Variants in NCAM1 observed in about 807,000 individuals in gnomAD.
NCAM1 encodes the protein neural cell adhesion molecule 1.
In NCAM1, 14 loss-of-function variants were observed where a neutral mutation model predicts 109.8. That is an observed-to-expected ratio of 0.13 (90% CI 0.08 to 0.20). NCAM1 has a LOEUF of 0.20. Ranked by LOEUF, NCAM1 falls within the 10% of genes least tolerant of loss-of-function variation. The pLI is 1.00. For synonymous variants in NCAM1, 418 were observed against 442.9 expected, an observed-to-expected ratio of 0.94 and a Z score of 0.70; for missense variants, 774 against 1,109.9, an observed-to-expected ratio of 0.70 and a Z score of 4.30.
chr11:113,270,692 T>C (rs1946247065), intron 18 of NCAM1, among the ~76,000 whole-genome samples: 1 of 152,078 alleles, frequency 6.6e-6, no homozygotes, highest in Admixed American at 6.5e-5. Context: ...GAACTAAACC[T>C]GGGGAGGAGC....
chr11:113,199,659 G>C (rs943961262), intron 1 of NCAM1, among the ~76,000 whole-genome samples: 13 of 151,586 alleles, frequency 8.6e-5, no homozygotes, highest in Non-Finnish European at 1.6e-4. Context: ...GGGAGGGATA[G>C]CATTAGGAGA....
At chr11:113,193,328 T>C (rs1386152296) in intron 1 of NCAM1, among the ~76,000 whole-genome samples, 1 of 152,206 alleles carries the variant, frequency 6.6e-6, no homozygotes, top group Non-Finnish European at 1.5e-5. Flanking sequence ...GAGTCATTTC[T>C]TCTGACTGCC....
intron 14 of NCAM1, among the ~76,000 whole-genome samples, chr11:113,239,499 C>CT (rs55641415): frequency 0.37 from 38,910 of 106,178 alleles, 8,733 homozygotes; most frequent in African/African-American, 0.4. Flanking sequence ...TGAGTCTCTA[C>CT]TTTTTTTTTT....
intron 1 of NCAM1, among the ~76,000 whole-genome samples, chr11:113,098,536 G>T (rs10891504): frequency 0.49 from 74,559 of 151,988 alleles, 19,098 homozygotes; most frequent in Middle Eastern, 0.55. Context: ...CAGGCAGGCT[G>T]TAAGTGAGAA....
At chr11:112,996,556 G>T (rs550293452) in intron 1 of NCAM1, among the ~76,000 whole-genome samples, 1 of 152,184 alleles carries the variant, frequency 6.6e-6, no homozygotes, top group Admixed American at 6.5e-5. Flanking sequence ...CGATTATTTT[G>T]CTTTGGGATT....
rs1946418622 is a variant in NCAM1, at chr11:113,277,402, T to C, written c.*2015T>C. 1 of 398,956 alleles carries C rather than the reference T, an allele frequency of 2.5e-6. No homozygotes were observed. The highest frequency in any genetic ancestry group is 2.1e-5 in the African/African-American group (1 of 48,626). The allele number at this position is 398,956 out of a possible 1,614,324, so 24.7% of individuals were successfully genotyped here. A position where few individuals can be genotyped will look rare whatever the true frequency, so the allele number is the denominator to read the frequency against. On this transcript the variant is annotated 3_prime_UTR_variant, in exon 20 of 20. Transcript: ENST00000316851. Reference sequence around the variant, plus strand: ...GAACACACAGCCCTGGCCCCTTTGATTCTAGGGCCTGCACAGATCTCTGGT... The same window carrying C: ...GAACACACAGCCCTGGCCCCTTTGACTCTAGGGCCTGCACAGATCTCTGGT...
At chr11:113,137,806 A>G (rs1478097707) in intron 1 of NCAM1, among the ~76,000 whole-genome samples, 2 of 152,220 alleles carry the variant, frequency 1.3e-5, no homozygotes, top group African/African-American at 4.8e-5. Flanking sequence ...TGGATTTTAC[A>G]TACATATATA....
chr11:113,241,353 T>G (rs1945320158), intron 14 of NCAM1, among the ~76,000 whole-genome samples: 1 of 152,226 alleles, frequency 6.6e-6, no homozygotes, highest in Non-Finnish European at 1.5e-5. Flanking sequence ...AAATAAACAG[T>G]GTCTGGCAGT....
At chr11:113,220,617 T>TTTTTTTTTTC (rs1944665276) in intron 8 of NCAM1, among the ~76,000 whole-genome samples, 2 of 136,296 alleles carry the variant, frequency 1.5e-5, no homozygotes, top group Non-Finnish European at 3.1e-5. Context: ...TTTTTTTTTT[T>TTTTTTTTTTC]TTTTTTTTGA....
intron 1 of NCAM1, among the ~76,000 whole-genome samples, chr11:113,078,498 A>T (rs1938633842): frequency 6.6e-6 from 1 of 152,136 alleles, no homozygotes; most frequent in Non-Finnish European, 1.5e-5. Flanking sequence ...CCAAGGCCTA[A>T]GGCTGAGTAG....
Position 113,276,338 on chromosome 11 carries a change from T to G in NCAM1, c.*951T>G, listed in dbSNP as rs1946399388. 6.6e-6 allele frequency: 1 copy of G among 152,592 alleles called. No homozygotes were observed. Among genetic ancestry groups the G allele is most frequent in the South Asian group, 2.1e-4 (1 of 4,828 alleles). The allele number at this position is 152,592 out of a possible 1,614,324, so 9.5% of individuals were successfully genotyped here. A position where few individuals can be genotyped will look rare whatever the true frequency, so the allele number is the denominator to read the frequency against. On this transcript the variant is annotated 3_prime_UTR_variant, in exon 20 of 20. Coordinates refer to ENST00000316851, the MANE Select transcript of NCAM1 (RefSeq NM_181351.5). ...CCACTCAGGTGAAAATCCATCTCAT[T>G]CTGGAATGGTTTTGCTTTTGAATTT...
intron 1 of NCAM1, among the ~76,000 whole-genome samples, chr11:113,080,482 A>G (rs1356940770): frequency 6.9e-6 from 1 of 145,310 alleles, no homozygotes; most frequent in African/African-American, 2.6e-5. Flanking sequence ...TTTTTTTCTT[A>G]AAGGCCTGCC....
chr11:113,098,332 A>G (rs1167579389), intron 1 of NCAM1, among the ~76,000 whole-genome samples: 2 of 152,188 alleles, frequency 1.3e-5, no homozygotes, highest in Non-Finnish European at 2.9e-5. Context: ...TGGCAATAGT[A>G]TTTGCATAAA....
At chr11:113,012,004 C>CTTCCTTCCTTTCT (rs1215414839) in intron 1 of NCAM1, among the ~76,000 whole-genome samples, 3 of 144,628 alleles carry the variant, frequency 2.1e-5, no homozygotes, top group Admixed American at 7.0e-5. Flanking sequence ...TCCTTCCTTC[C>CTTCCTTCCTTTCT]TTCCTTCCTT....
At chr11:113,121,062 G>A (rs2362212) in intron 1 of NCAM1, among the ~76,000 whole-genome samples, 7,551 of 152,040 alleles carry the variant, frequency 0.05, 601 homozygotes, top group Admixed American at 0.16. Flanking sequence ...GAAGGCAATT[G>A]TGTCTTTAGG....
intron 1 of NCAM1, among the ~76,000 whole-genome samples, chr11:112,970,568 T>C (rs1555066589): frequency 6.6e-6 from 1 of 152,192 alleles, no homozygotes; most frequent in Non-Finnish European, 1.5e-5. Flanking sequence ...TGCTACTAAC[T>C]AGCCAAGTGA....
At chr11:113,198,711 A>G (rs537440529) in intron 1 of NCAM1, among the ~76,000 whole-genome samples, 1 of 152,208 alleles carries the variant, frequency 6.6e-6, no homozygotes, top group South Asian at 2.1e-4. Flanking sequence ...AATGGTAACT[A>G]ATAGGTTATA....
chr11:113,022,998 A>G (rs1230418653), intron 1 of NCAM1, among the ~76,000 whole-genome samples: 1 of 152,212 alleles, frequency 6.6e-6, no homozygotes, highest in Admixed American at 6.5e-5. Context: ...CCACTGCAGG[A>G]AAGGACAGAG....
intron 1 of NCAM1, among the ~76,000 whole-genome samples, chr11:113,012,254 A>T (rs1952087221): frequency 6.6e-6 from 1 of 152,054 alleles, no homozygotes; most frequent in Non-Finnish European, 1.5e-5. Context: ...CCTGGCCTCA[A>T]GTGATCTGCC....
Sources: allele counts gnomAD v4.1 joint callset (sites outside exome capture counted in the v4.1 genomes callset), GRCh38; gene constraint gnomAD v4.1.1; transcripts MANE v1.5; gene names NCBI Gene and HGNC (gene_info 2026-07-23, HGNC 2026-07-21).